Variants in GADL1 observed in about 807,000 individuals in gnomAD.
GADL1 encodes acidic amino acid decarboxylase GADL1.
A neutral mutation model predicts 69.5 loss-of-function variants in GADL1; 71 were observed. The ratio of observed to expected loss-of-function variants is 1.02; its 90% CI spans 0.84 to 1.25. The LOEUF is 1.25. Among genes scored for constraint, GADL1 ranks in the 50% most tolerant of loss-of-function variants. The pLI is 0.00. For missense variants in GADL1, 737 were observed against 631.8 expected (o/e 1.17, Z -1.79); for synonymous variants, 254 against 214.4 (o/e 1.18, Z -1.62).
At chr3:30,824,986 C>T (rs1476452878) in intron 11 of GADL1, among the ~76,000 whole-genome samples, 1 of 151,772 alleles carries the variant, frequency 6.6e-6, no homozygotes, top group Non-Finnish European at 1.5e-5. Context: ...TCCCAACTAG[C>T]CTACCAGAGA....
chr3:30,761,544 A>G (rs899600795), intron 14 of GADL1, among the ~76,000 whole-genome samples: 4 of 152,200 alleles, frequency 2.6e-5, no homozygotes, highest in Non-Finnish European at 5.9e-5. Context: ...GCAAAGAATT[A>G]TTGAGTAAGC....
chr3:30,780,632 G>A (rs997093557), intron 13 of GADL1, among the ~76,000 whole-genome samples: 13 of 152,082 alleles, frequency 8.5e-5, no homozygotes, highest in Non-Finnish European at 1.6e-4. Context: ...AACAGTTTAC[G>A]ATGTTTTATC....
intron 11 of GADL1, among the ~76,000 whole-genome samples, chr3:30,801,464 T>C (rs1448720223): frequency 1.3e-5 from 2 of 152,108 alleles, no homozygotes; most frequent in African/African-American, 2.4e-5. Flanking sequence ...TATTTACATA[T>C]GTTATACAAT....
Position 30,773,813 on chromosome 3 carries a change from GAT to G in GADL1, c.1392+4364_1392+4365del, listed in dbSNP as rs562353072. Among the ~76,000 whole-genome samples the G allele has an allele frequency of 6.6e-4, 101 of 152,124 alleles. No homozygotes were observed. In the Middle Eastern group the frequency reaches 0.034, roughly 52 times the overall value. On this transcript the variant is annotated intron_variant, in intron 14 of 14. Transcript: ENST00000282538. Reference sequence around the variant, plus strand: ...ATTTTTAGAAAAGGAATTGCTGAAAGATAAGATATTTGATATGTTTTATAATG... The same window carrying G: ...ATTTTTAGAAAAGGAATTGCTGAAAGAAGATATTTGATATGTTTTATAATG...
intron 12 of GADL1, among the ~76,000 whole-genome samples, chr3:30,787,769 C>G (rs1696827559): frequency 6.6e-6 from 1 of 152,012 alleles, no homozygotes; most frequent in African/African-American, 2.4e-5. Context: ...CAATCTTCTT[C>G]AATTTGAAAT....
chr3:30,784,516 C>T (rs1696747163), intron 13 of GADL1, among the ~76,000 whole-genome samples: 1 of 152,184 alleles, frequency 6.6e-6, no homozygotes, highest in Non-Finnish European at 1.5e-5. Context: ...CTTTCTAGCA[C>T]TTTGGAAGCT....
At chr3:30,858,115 T>C (rs768401270) in intron 2 of GADL1, among the ~76,000 whole-genome samples, 5 of 152,176 alleles carry the variant, frequency 3.3e-5, no homozygotes, top group Admixed American at 6.6e-5. Context: ...TGTTACTTAT[T>C]GTATCCTACA....
At chr3:30,775,551 GAT>G (rs796993244) in intron 14 of GADL1, among the ~76,000 whole-genome samples, 49 of 150,096 alleles carry the variant, frequency 3.3e-4, no homozygotes, top group African/African-American at 1.2e-3. Flanking sequence ...CAGAACCAGT[GAT>G]AATTTGTCTG....
In GADL1 at chr3:30,850,951, T is replaced by A. The variant is rs1021255824; in HGVS notation, c.429-10A>T. ...CACCTCATACGTATAACTAGATAGA[T>A]ATAAAAAACACTTCACTTCTATGAC... is the stretch of plus-strand genomic sequence containing the variant. On this transcript the variant is annotated splice_polypyrimidine_tract_variant and intron_variant, in intron 4 of 14. Coordinates refer to ENST00000282538, the MANE Select transcript of GADL1 (RefSeq NM_207359.3). 2 of 1,431,916 alleles carry A rather than the reference T, an allele frequency of 1.4e-6. No homozygotes were observed. The highest frequency in any genetic ancestry group is 2.0e-5 in the Admixed American group (1 of 50,088). The allele number at this position is 1,431,916 out of a possible 1,614,324, so 88.7% of individuals were successfully genotyped here.
chr3:30,813,060 G>C (rs1374216299), intron 11 of GADL1, among the ~76,000 whole-genome samples: 1 of 152,128 alleles, frequency 6.6e-6, no homozygotes, highest in Non-Finnish European at 1.5e-5. Context: ...AAGGGAAACA[G>C]AAGAGATTAC....
intron 3 of GADL1, among the ~76,000 whole-genome samples, chr3:30,856,199 G>C (rs1575236466): frequency 6.6e-6 from 1 of 152,022 alleles, no homozygotes; most frequent in African/African-American, 2.4e-5. Flanking sequence ...ATTTTACTAT[G>C]TTCTTTCCAC....
intron 12 of GADL1, chr3:30,797,809 T>C (rs1213740462): frequency 6.6e-6 from 1 of 152,152 alleles, no homozygotes; most frequent in African/African-American, 2.4e-5. Flanking sequence ...AATCCAGGTT[T>C]TTTATAAATT....
intron 13 of GADL1, among the ~76,000 whole-genome samples, chr3:30,781,835 G>A (rs1395702273): frequency 2.0e-5 from 3 of 152,140 alleles, no homozygotes; most frequent in Non-Finnish European, 4.4e-5. Flanking sequence ...ACTATTATTT[G>A]GGGCCATAAT....
At position 30,763,508 on chromosome 3, in the gene GADL1, G is replaced by GGGGGT. The variant is rs1430321518; in HGVS notation, c.1392+14670_1392+14671insACCCC. On this transcript the variant is annotated intron_variant, in intron 14 of 14. Transcript: ENST00000282538. ...CAGAGCAAGACTCCGTCTCGGCGGC[G>GGGGGT]GGGGGTGGGGGTGGGGGGGAATATT... Among the ~76,000 whole-genome samples the GGGGGT allele has an allele frequency of 2.2e-3, 208 of 93,316 alleles. 1 individual carries two copies. Among genetic ancestry groups the GGGGGT allele is most frequent in the African/African-American group, 8.3e-3 (185 of 22,394 alleles). The allele number at this position is 93,316 out of a possible 152,430, so 61.2% of individuals were successfully genotyped here.
intron 1 of GADL1, among the ~76,000 whole-genome samples, chr3:30,886,640 A>G (rs1698715316): frequency 1.3e-5 from 2 of 152,178 alleles, no homozygotes; most frequent in South Asian, 4.1e-4. Flanking sequence ...GCATGGGGTT[A>G]GCTTTATGCT....
Position 30,774,005 on chromosome 3 carries a change from C to T in GADL1, c.1392+4174G>A, listed in dbSNP as rs304818. On this transcript the variant is annotated intron_variant, in intron 14 of 14. Transcript: ENST00000282538. The stretch of plus-strand genomic sequence containing the variant: ...TTCCAGTGTTTCCTAACTCCTCTGG[C>T]CCAATTTACTCAGACATGGAGAGCT... Among the ~76,000 whole-genome samples, 1,136 of 152,154 alleles carry T rather than the reference C, an allele frequency of 7.5e-3. 10 individuals carry two copies. Among genetic ancestry groups the T allele is most frequent in the Non-Finnish European group, 0.011 (748 of 67,996 alleles).
rs889436293 is a variant in GADL1, at chr3:30,735,668, G to A, written c.1393-7253C>T. ...TTGACTACAAAGGGTCAGTCCTAGG[G>A]AATTTTGGTGAGTGATGAACACTGT... is the stretch of plus-strand genomic sequence containing the variant. On this transcript the variant is annotated intron_variant, in intron 14 of 14. Coordinates refer to ENST00000282538, the MANE Select transcript of GADL1 (RefSeq NM_207359.3). Among the ~76,000 whole-genome samples, 5 of 152,272 alleles carry A rather than the reference G, an allele frequency of 3.3e-5. No individual in the cohort carries two copies. The East Asian group carries it at 7.7e-4, about 24-fold the overall frequency.
At chr3:30,851,366 G>A (rs1483948709) in intron 4 of GADL1, among the ~76,000 whole-genome samples, 1 of 152,100 alleles carries the variant, frequency 6.6e-6, no homozygotes, top group Non-Finnish European at 1.5e-5. Flanking sequence ...TATGCTAACA[G>A]TCCCCTCTAG....
intron 14 of GADL1, among the ~76,000 whole-genome samples, chr3:30,769,240 C>T (rs1455487131): frequency 6.6e-6 from 1 of 152,148 alleles, no homozygotes; most frequent in East Asian, 1.9e-4. Flanking sequence ...ATTCAGTGCT[C>T]GTATTTAGGT....
Sources: allele counts gnomAD v4.1 joint callset (sites outside exome capture counted in the v4.1 genomes callset), GRCh38; gene constraint gnomAD v4.1.1; transcripts MANE v1.5; gene names NCBI Gene and HGNC (gene_info 2026-07-23, HGNC 2026-07-21).